CDH2: variants seen among roughly 807,000 people sequenced by gnomAD.
CDH2 encodes cadherin-2.
CDH2 carries 17 observed loss-of-function variants against 92.0 expected under a neutral mutation model. The observed-to-expected ratio is 0.18, with a 90% CI of 0.13 to 0.28. The LOEUF (loss-of-function observed/expected upper bound fraction) is 0.28. CDH2 is among the 10% of genes least tolerant of loss of function. CDH2 has a pLI of 1.00. For synonymous variants in CDH2, 419 were observed against 415.9 expected (o/e 1.01, Z -0.09); for missense variants, 862 against 1,133.1 (o/e 0.76, Z 3.44).
At chr18:28,151,283 T>C (rs1008233989) in intron 1 of CDH2, among the ~76,000 whole-genome samples, 1 of 152,256 alleles carries the variant, frequency 6.6e-6, no homozygotes, top group African/African-American at 2.4e-5. Flanking sequence ...CATCTATCAA[T>C]GTGCAGACAC....
chr18:28,160,119 G>A (rs1270425465), intron 1 of CDH2, among the ~76,000 whole-genome samples: 2 of 151,624 alleles, frequency 1.3e-5, no homozygotes. Flanking sequence ...TTATCTCCAG[G>A]AAAATGATAG....
intron 2 of CDH2, among the ~76,000 whole-genome samples, chr18:28,041,253 T>C (rs990825312): frequency 6.6e-6 from 1 of 152,248 alleles, no homozygotes; most frequent in African/African-American, 2.4e-5. Context: ...TTAATTGGCA[T>C]GTTTACAAAA....
At chr18:28,009,490 A>C (rs2144027879) in intron 5 of CDH2, among the ~76,000 whole-genome samples, 1 of 152,264 alleles carries the variant, frequency 6.6e-6, no homozygotes. Context: ...GATTTTAGGC[A>C]ATTTCACTTC....
At chr18:28,094,303 A>G (rs1341780331) in intron 2 of CDH2, among the ~76,000 whole-genome samples, 1 of 152,026 alleles carries the variant, frequency 6.6e-6, no homozygotes, top group African/African-American at 2.4e-5. Flanking sequence ...CCTGGCCATC[A>G]TGGTGAAACT....
intron 2 of CDH2, among the ~76,000 whole-genome samples, chr18:28,086,457 G>A (rs774358108): frequency 7.3e-5 from 11 of 150,628 alleles, no homozygotes; most frequent in Admixed American, 4.6e-4. Context: ...ATCACACTAC[G>A]GTCTCCCACT....
At chr18:27,985,893 T>C (rs2012217209) in intron 11 of CDH2, 132 bp from the exon 12 acceptor site, 3 of 614,846 alleles carry the variant, frequency 4.9e-6, no homozygotes, top group East Asian at 2.8e-5. Flanking sequence ...ATAGTTGCTA[T>C]GGCATCTGGG....
intron 2 of CDH2, among the ~76,000 whole-genome samples, chr18:28,096,673 G>C (rs1599097988): frequency 6.6e-6 from 1 of 152,290 alleles, no homozygotes; most frequent in Admixed American, 6.5e-5. Context: ...AGGGAAGAAT[G>C]TTAACAAACT....
intron 1 of CDH2, among the ~76,000 whole-genome samples, chr18:28,167,481 G>A (rs571834483): frequency 6.6e-6 from 1 of 152,144 alleles, no homozygotes; most frequent in Non-Finnish European, 1.5e-5. Context: ...AAATACATAT[G>A]ATATAAATAT....
Position 27,992,713 on chromosome 18 carries a change from C to G in CDH2, c.1286G>C (p.Gly429Ala). Residue 429 changes from glycine (G) to alanine (A), a missense_variant, in exon 9 of 16, where the codon GGA becomes GCA. Physicochemically the swap from Gly to Ala is moderately conservative, Grantham distance 60. Around this residue, in one of 5 missense-constraint regions of CDH2, gnomAD observed 564 missense variants for 722.2 expected, o/e 0.78. Transcript: ENST00000269141. ...VYRISGGDPT[G>A]RFAIQTDPNS... ...TGGGTCGGTCTGGATGGCGAACCGTCCAGTAGGATCTCCGCCACTGATTCT... is the reference window on the plus strand; with the variant it reads ...TGGGTCGGTCTGGATGGCGAACCGTGCAGTAGGATCTCCGCCACTGATTCT... The G allele has an allele frequency of 6.2e-7, 1 of 1,614,058 alleles. No homozygotes were observed. The highest frequency in any genetic ancestry group is 8.5e-7 in the Non-Finnish European group (1 of 1,179,976).
intron 1 of CDH2, among the ~76,000 whole-genome samples, chr18:28,162,873 G>A (rs17495293): frequency 1.1e-3 from 172 of 152,294 alleles, no homozygotes; most frequent in African/African-American, 3.9e-3. Context: ...GAGGATTGAT[G>A]TGAGGATTAT....
chr18:28,034,106 A>G (rs2013766597), intron 2 of CDH2, among the ~76,000 whole-genome samples: 1 of 152,084 alleles, frequency 6.6e-6, no homozygotes, highest in Admixed American at 6.6e-5. Flanking sequence ...GCAATGAACT[A>G]AAAGCCAGTA....
chr18:28,028,434 T>C (rs2013613974), intron 2 of CDH2, among the ~76,000 whole-genome samples: 1 of 152,142 alleles, frequency 6.6e-6, no homozygotes, highest in Admixed American at 6.6e-5. Context: ...CACTGGGCTA[T>C]TAAACTACTA....
At chr18:28,064,701 A>C (rs1599073016) in intron 2 of CDH2, among the ~76,000 whole-genome samples, 1 of 152,040 alleles carries the variant, frequency 6.6e-6, no homozygotes, top group East Asian at 1.9e-4. Context: ...ATTTAACAAA[A>C]GTATGAACTA....
At chr18:28,143,797 C>T (rs1036054403) in intron 2 of CDH2, among the ~76,000 whole-genome samples, 1 of 151,938 alleles carries the variant, frequency 6.6e-6, no homozygotes, top group Admixed American at 6.6e-5. Context: ...ACATATACAC[C>T]ATGAAATACT....
At chr18:28,042,359 A>G (rs1360724729) in intron 2 of CDH2, among the ~76,000 whole-genome samples, 1 of 152,166 alleles carries the variant, frequency 6.6e-6, no homozygotes, top group Non-Finnish European at 1.5e-5. Flanking sequence ...GATGACATTT[A>G]AGGTGATCTG....
At chr18:28,007,863 G>A (rs2012985498) in intron 5 of CDH2, among the ~76,000 whole-genome samples, 3 of 152,094 alleles carry the variant, frequency 2.0e-5, no homozygotes, top group Admixed American at 6.5e-5. Flanking sequence ...TTGAGTAGCT[G>A]GGATTACAGG....
chr18:28,030,899 T>G (rs1005929147), intron 2 of CDH2, among the ~76,000 whole-genome samples: 1 of 151,984 alleles, frequency 6.6e-6, no homozygotes, highest in South Asian at 2.1e-4. Flanking sequence ...ACTCTTCTGG[T>G]TTCCCCCATC....
intron 7 of CDH2, among the ~76,000 whole-genome samples, chr18:27,998,224 C>G (rs944851658): frequency 8.5e-5 from 13 of 152,216 alleles, no homozygotes; most frequent in Non-Finnish European, 1.8e-4. Context: ...CATGCTGGCA[C>G]TGTTCCAAGG....
intron 4 of CDH2, among the ~76,000 whole-genome samples, chr18:28,010,591 A>G (rs2013067364): frequency 6.6e-6 from 1 of 152,132 alleles, no homozygotes; most frequent in Non-Finnish European, 1.5e-5. Context: ...GAAGGGGACG[A>G]AGGGAGGCAG....
Sources: gnomAD v4.1 joint callset for allele counts (sites outside exome capture counted in the v4.1 genomes callset) on GRCh38, gnomAD v4.1.1 for gene constraint, gnomAD v4.1.1 regional missense constraint, MANE v1.5 for transcripts, NCBI Gene and HGNC (gene_info 2026-07-23, HGNC 2026-07-21) for gene names.